Variants in VBP1 observed in about 807,000 individuals in gnomAD.
The protein encoded by VBP1 is prefoldin subunit 3.
In VBP1, 4 loss-of-function variants were observed where a neutral mutation model predicts 15.5. The observed-to-expected ratio is 0.26, with a 90% confidence interval of 0.13 to 0.59. The LOEUF (loss-of-function observed/expected upper bound fraction) is 0.59, where lower values mean the gene tolerates loss of function less well. Ranked by LOEUF, VBP1 falls within the 20% of genes least tolerant of loss-of-function variation. The pLI, the probability that VBP1 is intolerant of heterozygous loss-of-function variation, is 0.90. For synonymous variants in VBP1, 61 were observed against 52.1 expected (o/e 1.17, Z -0.74); for missense variants, 108 against 139.6 (o/e 0.77, Z 1.14).
chrX:155,202,301 T>G (rs1602865668), intron 1 of VBP1, among the ~76,000 whole-genome samples: 1 of 111,484 alleles, frequency 9.0e-6, no homozygotes, highest in Non-Finnish European at 1.9e-5. Context: ...CATTGCCAAG[T>G]CAATCCTAAG....
intron 1 of VBP1, among the ~76,000 whole-genome samples, chrX:155,217,948 TCTC>T (rs2074672843): frequency 9.0e-6 from 1 of 111,044 alleles, no homozygotes. Context: ...TCGCCCTACT[TCTC>T]CTGGTCATAG....
chrX:155,216,599 C>T lies in VBP1; in HGVS notation c.93+24C>T, dbSNP rs897423070. The T allele has an allele frequency of 6.0e-6, 7 of 1,167,471 alleles. No individual in the cohort carries two copies. The South Asian group carries it at 9.5e-5, about 16-fold the overall frequency. ...TGGTAAGAGGCACGCTGTTCCCTGG[C>T]ATCTTGGCTTGAGGCCTTGGACTGC... On this transcript the variant is annotated intron_variant, in intron 1 of 5. Coordinates refer to ENST00000286428, the MANE Select transcript of VBP1 (RefSeq NM_003372.7).
intron 1 of VBP1, chrX:155,208,726 C>T: frequency 2.8e-6 from 1 of 355,848 alleles, no homozygotes; most frequent in Non-Finnish European, 4.8e-6. Flanking sequence ...TTGCATCTGG[C>T]ATTTAGCATT....
At chrX:155,238,615 CATT>C (rs2074785020) in intron 5 of VBP1, among the ~76,000 whole-genome samples, 154 bp from the exon 6 acceptor site, 1 of 112,294 alleles carries the variant, frequency 8.9e-6, no homozygotes, top group African/African-American at 3.2e-5. Context: ...TAACAATTGA[CATT>C]ATAGCAGGAT....
At chrX:155,233,874 ATATG>A (rs1243644140) in intron 4 of VBP1, among the ~76,000 whole-genome samples, 1 of 110,880 alleles carries the variant, frequency 9.0e-6, no homozygotes, top group Non-Finnish European at 1.9e-5. Flanking sequence ...ATACTTTTCT[ATATG>A]TATATAATAT....
upstream of VBP1, among the ~76,000 whole-genome samples, chrX:155,212,720 G>T (rs782197853): frequency 2.7e-5 from 3 of 111,827 alleles, no homozygotes; most frequent in African/African-American, 3.3e-5. Context: ...CCTAGAAATG[G>T]ATTCTGGAAA....
upstream of VBP1, chrX:155,216,394 G>A: frequency 8.8e-7 from 1 of 1,138,979 alleles, no homozygotes; most frequent in Non-Finnish European, 1.2e-6. Context: ...CATGGAGATG[G>A]AGAGGCGGGC....
upstream of VBP1, chrX:155,216,340 A>T (rs995469261): frequency 1.7e-5 from 19 of 1,097,851 alleles, no homozygotes; most frequent in Non-Finnish European, 2.3e-5. Context: ...GCCAAAGGAG[A>T]ACGGGGACTT....
intron 4 of VBP1, among the ~76,000 whole-genome samples, chrX:155,230,491 G>C (rs2074740516): frequency 9.0e-6 from 1 of 111,140 alleles, no homozygotes; most frequent in African/African-American, 3.3e-5. Context: ...TCACTGTCTT[G>C]CTTCTGCCCT....
intron 2 of VBP1, among the ~76,000 whole-genome samples, chrX:155,222,437 T>C (rs1439654870): frequency 9.0e-6 from 1 of 110,993 alleles, no homozygotes; most frequent in Non-Finnish European, 1.9e-5. Flanking sequence ...AGTGTGCCAC[T>C]GCACTCCAGC....
At chrX:155,236,125 A>G in intron 4 of VBP1, 104 bp from the exon 5 acceptor site, 1 of 917,739 alleles carries the variant, frequency 1.1e-6, no homozygotes, top group Non-Finnish European at 1.5e-6. Flanking sequence ...AACAAAAGGC[A>G]GCAAGCTGGA....
At chrX:155,236,410 G>T (rs1258826338) in intron 5 of VBP1, 43 bp downstream of exon 5, 2 of 1,169,502 alleles carry the variant, frequency 1.7e-6, no homozygotes, top group South Asian at 3.9e-5. Flanking sequence ...AAAGGAGAAA[G>T]ATTTTTTTAA....
chrX:155,219,305 C>G (rs1172851975), intron 1 of VBP1, among the ~76,000 whole-genome samples: 1 of 112,249 alleles, frequency 8.9e-6, no homozygotes, highest in Non-Finnish European at 1.9e-5. Flanking sequence ...ATATTTTCAT[C>G]TTGTTTCTGA....
intron 1 of VBP1, among the ~76,000 whole-genome samples, chrX:155,202,277 C>A (rs1309540115): frequency 9.0e-6 from 1 of 111,045 alleles, no homozygotes; most frequent in Non-Finnish European, 1.9e-5. Context: ...CATATGGAAC[C>A]AAAAAAGAGC....
At chrX:155,215,233 A>AT (rs1248435153), upstream of VBP1, among the ~76,000 whole-genome samples, 1 of 110,856 alleles carries the variant, frequency 9.0e-6, no homozygotes, top group Admixed American at 9.6e-5. Context: ...CAAAAACAAA[A>AT]TTTTTTTTTG....
intron 2 of VBP1, 129 bp downstream of exon 2, chrX:155,220,436 A>G (rs1483386843): frequency 3.8e-6 from 2 of 529,703 alleles, no homozygotes; most frequent in Non-Finnish European, 5.5e-6. Context: ...GCTGTACCAT[A>G]TGAAATTCCC....
chrX:155,239,766 A>G lies in VBP1; in HGVS notation c.*924A>G, dbSNP rs1359130766. 1 of 112,573 alleles carries G rather than the reference A, an allele frequency of 8.9e-6. No homozygotes were observed. The highest frequency in any genetic ancestry group is 1.9e-5 in the Non-Finnish European group (1 of 53,339). 9.3% of individuals were successfully genotyped at this position (112,573 alleles called of 1,213,427 possible). On this transcript the variant is annotated 3_prime_UTR_variant, in exon 6 of 6. Coordinates refer to ENST00000286428, the MANE Select transcript of VBP1 (RefSeq NM_003372.7). ...TCCATGTAGTAAAAAGTATACTTATACAATGTTTTGTACTTGTATTTCATG... is the reference window on the plus strand; with the variant it reads ...TCCATGTAGTAAAAAGTATACTTATGCAATGTTTTGTACTTGTATTTCATG...
At chrX:155,216,303 C>A, upstream of VBP1, 1 of 991,955 alleles carries the variant, frequency 1.0e-6, no homozygotes, top group Non-Finnish European at 1.3e-6. Flanking sequence ...CGCAGCCAAT[C>A]AGCACCTAGA....
In VBP1 at chrX:155,220,286, A is replaced by G. The variant is rs909817454; in HGVS notation, c.197A>G (p.Asn66Ser). ...CAGAAGTATAAGTTTATGGAACTCA[A>G]CCTTGCTCAAAAGAAAAGAAGGTAA... ...QYQKYKFMEL[N>S]LAQKKRRLKG... Residue 66 changes from asparagine to serine, a missense_variant, in exon 2 of 6, where the codon AAC (asparagine) becomes AGC (serine). Asn to Ser is a conservative substitution (Grantham distance 46, BLOSUM62 1). Coordinates refer to ENST00000286428, the MANE Select transcript of VBP1 (RefSeq NM_003372.7). 6.0e-6 allele frequency: 7 copies of G among 1,171,598 alleles called. No homozygotes were observed. Among genetic ancestry groups the G allele is most frequent in the Admixed American group, 2.6e-5 (1 of 38,796 alleles).
Sources: allele counts gnomAD v4.1 joint callset (sites outside exome capture counted in the v4.1 genomes callset), GRCh38; gene constraint gnomAD v4.1.1; transcripts MANE v1.5; gene names NCBI Gene and HGNC (gene_info 2026-07-23, HGNC 2026-07-21).